KCNIP4: variants seen among roughly 807,000 people sequenced by gnomAD.
KCNIP4 encodes potassium voltage-gated channel interacting protein 4.
A neutral mutation model predicts 34.0 loss-of-function variants in KCNIP4; 12 were observed. That is an observed-to-expected ratio of 0.35 (90% CI 0.23 to 0.57). KCNIP4 has a LOEUF of 0.57. Among genes scored for constraint, KCNIP4 ranks in the 20% least tolerant of loss-of-function variants. The pLI, the probability that KCNIP4 is intolerant of heterozygous loss-of-function variation, is 0.83. For synonymous variants in KCNIP4, 124 were observed against 102.2 expected (o/e 1.21, Z -1.29); for missense variants, 238 against 311.7 (o/e 0.76, Z 1.78).
rs114243078 is a variant in KCNIP4, at chr4:21,790,308, C to T, written c.61+158263G>A. Among the ~76,000 whole-genome samples the T allele has an allele frequency of 1.4e-3, 214 of 152,226 alleles. 1 individual carries two copies. Among genetic ancestry groups the T allele is most frequent in the African/African-American group, 4.6e-3 (193 of 41,532 alleles). ...CTTAAAACAATTTCGAAATTACTTA[C>T]GATTAAAAACATATTTCATCAATGC... On this transcript the variant is annotated intron_variant, in intron 1 of 8. Coordinates refer to ENST00000382152, the MANE Select transcript of KCNIP4 (RefSeq NM_025221.6).
intron 1 of KCNIP4, among the ~76,000 whole-genome samples, chr4:21,699,301 G>A (rs1195104939): frequency 6.6e-6 from 1 of 152,218 alleles, no homozygotes; most frequent in East Asian, 1.9e-4. Flanking sequence ...CACCTATTAT[G>A]TTCCAGACAT....
chr4:21,853,512 A>G (rs539945988), intron 1 of KCNIP4, among the ~76,000 whole-genome samples: 25 of 152,270 alleles, frequency 1.6e-4, no homozygotes, highest in African/African-American at 6.0e-4. Flanking sequence ...CAGTGTTTCC[A>G]TGATCATTTG....
chr4:21,022,080 T>C (rs1248277532), intron 1 of KCNIP4, among the ~76,000 whole-genome samples: 3 of 152,024 alleles, frequency 2.0e-5, no homozygotes, highest in South Asian at 2.1e-4. Flanking sequence ...TCATATGTGA[T>C]AGTAATATTT....
At chr4:20,842,610 A>T (rs931154833) in intron 3 of KCNIP4, among the ~76,000 whole-genome samples, 1 of 130,852 alleles carries the variant, frequency 7.6e-6, no homozygotes, top group Non-Finnish European at 1.7e-5. Flanking sequence ...AAAAAAAAAA[A>T]GCCAGCAATT....
chr4:21,705,721 G>A (rs531061184), intron 1 of KCNIP4, among the ~76,000 whole-genome samples: 1 of 152,276 alleles, frequency 6.6e-6, no homozygotes, highest in East Asian at 1.9e-4. Flanking sequence ...TGAAGGTGGT[G>A]TAAAAGAGAC....
intron 1 of KCNIP4, among the ~76,000 whole-genome samples, chr4:21,738,733 G>A (rs1405678538): frequency 6.6e-6 from 1 of 151,976 alleles, no homozygotes; most frequent in African/African-American, 2.4e-5. Context: ...AAATATCAAG[G>A]TCTATGCATT....
chr4:21,273,684 T>C (rs1183049751), intron 1 of KCNIP4, among the ~76,000 whole-genome samples: 1 of 152,238 alleles, frequency 6.6e-6, no homozygotes, highest in Non-Finnish European at 1.5e-5. Context: ...GCAGAGCTTC[T>C]AAATTCCACT....
At chr4:21,040,151 T>G (rs914834905) in intron 1 of KCNIP4, among the ~76,000 whole-genome samples, 3 of 152,194 alleles carry the variant, frequency 2.0e-5, no homozygotes, top group African/African-American at 7.2e-5. Flanking sequence ...GGTCTCTCCC[T>G]GGACATATGG....
At chr4:21,747,883 T>C (rs755108392) in intron 1 of KCNIP4, among the ~76,000 whole-genome samples, 1 of 151,814 alleles carries the variant, frequency 6.6e-6, no homozygotes, top group Non-Finnish European at 1.5e-5. Flanking sequence ...GCAATGAAAG[T>C]GTTTTTACAA....
chr4:21,345,659 T>C (rs971771542), intron 1 of KCNIP4, among the ~76,000 whole-genome samples: 2 of 152,166 alleles, frequency 1.3e-5, no homozygotes, highest in African/African-American at 4.8e-5. Flanking sequence ...GGCCAGGGTA[T>C]GCTCCCTGTC....
At chr4:21,213,660 C>G (rs1392546415) in intron 1 of KCNIP4, among the ~76,000 whole-genome samples, 1 of 152,132 alleles carries the variant, frequency 6.6e-6, no homozygotes, top group Non-Finnish European at 1.5e-5. Context: ...CAGCCTCAGC[C>G]TCCCAAAGCT....
intron 1 of KCNIP4, among the ~76,000 whole-genome samples, chr4:21,448,631 C>T (rs1728245603): frequency 6.6e-6 from 1 of 151,870 alleles, no homozygotes; most frequent in Admixed American, 6.6e-5. Flanking sequence ...CTCAGCCTAC[C>T]CAATATACAA....
intron 1 of KCNIP4, among the ~76,000 whole-genome samples, chr4:21,057,510 T>G (rs556735066): frequency 1.3e-5 from 2 of 152,168 alleles, no homozygotes; most frequent in Non-Finnish European, 2.9e-5. Flanking sequence ...TTTTTCCCAA[T>G]GAGTGAATAC....
At chr4:21,381,370 G>A (rs1360572340) in intron 1 of KCNIP4, among the ~76,000 whole-genome samples, 1 of 152,154 alleles carries the variant, frequency 6.6e-6, no homozygotes, top group African/African-American at 2.4e-5. Context: ...GATTAGCAAT[G>A]ACACATTCTA....
intron 1 of KCNIP4, among the ~76,000 whole-genome samples, chr4:21,251,197 C>A (rs1424029794): frequency 6.6e-6 from 1 of 152,022 alleles, no homozygotes. Flanking sequence ...TAAATAAAAG[C>A]TATCCAACAA....
Position 20,805,118 on chromosome 4 carries a change from A to G in KCNIP4, c.288+45425T>C, listed in dbSNP as rs536556104. ...GCTCCTACTAAAGGCATGAGGATGGAGAATGTAGGCAAAAGGAAGTTTTCA... is the reference window on the plus strand; with the variant it reads ...GCTCCTACTAAAGGCATGAGGATGGGGAATGTAGGCAAAAGGAAGTTTTCA... On this transcript the variant is annotated intron_variant, in intron 3 of 8. Coordinates refer to ENST00000382152, the MANE Select transcript of KCNIP4 (RefSeq NM_025221.6). 1.7e-4 allele frequency among the ~76,000 whole-genome samples: 25 copies of G among 148,244 alleles called. No individual in the cohort carries two copies. The South Asian group carries it at 5.4e-3, about 32-fold the overall frequency.
chr4:21,575,853 G>T (rs1177342032), intron 1 of KCNIP4, among the ~76,000 whole-genome samples: 1 of 152,096 alleles, frequency 6.6e-6, no homozygotes, highest in East Asian at 1.9e-4. Flanking sequence ...GCTTCCAACA[G>T]TCACATACAA....
At chr4:21,694,755 C>T (rs960553298) in intron 1 of KCNIP4, among the ~76,000 whole-genome samples, 2 of 151,772 alleles carry the variant, frequency 1.3e-5, no homozygotes, top group African/African-American at 4.8e-5. Flanking sequence ...TTTGTATCCA[C>T]AAAAATTTCT....
chr4:20,784,260 G>A (rs1342189580), intron 3 of KCNIP4, among the ~76,000 whole-genome samples: 3 of 152,072 alleles, frequency 2.0e-5, no homozygotes, highest in African/African-American at 7.2e-5. Flanking sequence ...CAAGTGCCTC[G>A]TTTTTAATAT....
Sources: allele counts gnomAD v4.1 joint callset (sites outside exome capture counted in the v4.1 genomes callset), GRCh38; gene constraint gnomAD v4.1.1; transcripts MANE v1.5; gene names NCBI Gene and HGNC (gene_info 2026-07-23, HGNC 2026-07-21).